MBNL1: variants seen among roughly 807,000 people sequenced by gnomAD.
MBNL1 encodes the protein muscleblind-like protein 1.
Under a neutral mutation model 42.2 loss-of-function variants are expected in MBNL1, and 8 were observed. That is an observed-to-expected ratio of 0.19 (90% CI 0.11 to 0.34). MBNL1 has a LOEUF of 0.34. Ranked by LOEUF, MBNL1 falls within the 10% of genes least tolerant of loss-of-function variation. The pLI is 1.00. For synonymous variants in MBNL1, 169 were observed against 173.9 expected, an observed-to-expected ratio of 0.97 and a Z score of 0.22; for missense variants, 309 against 495.3, an observed-to-expected ratio of 0.62 and a Z score of 3.57.
chr3:152,369,528 A>G (rs2096571021), intron 2 of MBNL1, among the ~76,000 whole-genome samples: 1 of 152,186 alleles, frequency 6.6e-6, no homozygotes, highest in Admixed American at 6.5e-5. Flanking sequence ...GCCTCATAAA[A>G]TGAGTGATGG....
intron 1 of MBNL1, among the ~76,000 whole-genome samples, chr3:152,284,723 G>A (rs2050525990): frequency 6.6e-6 from 1 of 152,056 alleles, no homozygotes; most frequent in Admixed American, 6.6e-5. Context: ...TGCATAGTCA[G>A]CATACATCAG....
intron 2 of MBNL1, among the ~76,000 whole-genome samples, chr3:152,349,371 G>A (rs578047774): frequency 4.1e-4 from 63 of 152,072 alleles, no homozygotes; most frequent in African/African-American, 1.5e-3. Context: ...CTAAACATCA[G>A]TGGTGTTATT....
chr3:152,391,738 T>C (rs960290940), intron 2 of MBNL1, among the ~76,000 whole-genome samples: 1 of 152,080 alleles, frequency 6.6e-6, no homozygotes, highest in African/African-American at 2.4e-5. Context: ...AGATGAAAAA[T>C]AGAATATACA....
At chr3:152,328,632 T>A (rs562597698) in intron 2 of MBNL1, among the ~76,000 whole-genome samples, 21 of 152,306 alleles carry the variant, frequency 1.4e-4, no homozygotes, top group African/African-American at 4.6e-4. Context: ...ACATGCTTTA[T>A]GACATTACGG....
intron 2 of MBNL1, among the ~76,000 whole-genome samples, chr3:152,355,907 G>C (rs2095481646): frequency 6.6e-6 from 1 of 152,178 alleles, no homozygotes. Flanking sequence ...AAGATATCAT[G>C]TGCAACATGT....
rs1580991298 is a variant in MBNL1, at chr3:152,464,187, AG to A, written c.*1822del. ...TCTATTAACAATTGAATACCATTTC[AG>A]TTTATAGACTTGTTTTATTAGATTT... On this transcript the variant is annotated 3_prime_UTR_variant, in exon 10 of 10. Transcript: ENST00000324210. 2.0e-5 allele frequency: 3 copies of A among 152,502 alleles called. No homozygotes were observed. In the East Asian group the frequency reaches 5.8e-4, roughly 29 times the overall value. The allele number at this position is 152,502 out of a possible 1,614,324, so 9.4% of individuals were successfully genotyped here. A position where few individuals can be genotyped will look rare whatever the true frequency, so the allele number is the denominator to read the frequency against.
chr3:152,260,076 A>G (rs2036007106), intron 2 of MBNL1, among the ~76,000 whole-genome samples: 1 of 152,200 alleles, frequency 6.6e-6, no homozygotes, highest in African/African-American at 2.4e-5. Context: ...TCTAGGAAAG[A>G]CTGGAATTAT....
chr3:152,294,600 C>A (rs1039218656), intron 1 of MBNL1, among the ~76,000 whole-genome samples: 6 of 152,002 alleles, frequency 3.9e-5, no homozygotes, highest in Admixed American at 3.9e-4. Flanking sequence ...TTGATTCTTA[C>A]AATATTTTTG....
chr3:152,338,745 T>C (rs974874771), intron 2 of MBNL1: 41 of 946,756 alleles, frequency 4.3e-5, no homozygotes, highest in Non-Finnish European at 5.0e-5. Context: ...GGATTTAATA[T>C]AAGTTAGTAG....
chr3:152,257,198 A>G (rs2035573002), intron 2 of MBNL1, among the ~76,000 whole-genome samples: 3 of 152,324 alleles, frequency 2.0e-5, no homozygotes, highest in East Asian at 3.9e-4. Flanking sequence ...AATAAGTATT[A>G]GAGAGCACTC....
chr3:152,425,609 G>GAA (rs377009317), intron 3 of MBNL1, among the ~76,000 whole-genome samples: 2 of 133,444 alleles, frequency 1.5e-5, no homozygotes, highest in African/African-American at 5.6e-5. Context: ...ATCTGTCTCA[G>GAA]AAAAAAAAAA....
intron 2 of MBNL1, among the ~76,000 whole-genome samples, chr3:152,400,842 T>C (rs2098184696): frequency 6.6e-6 from 1 of 152,208 alleles, no homozygotes; most frequent in South Asian, 2.1e-4. Flanking sequence ...TTAGCAGTTA[T>C]CTTGAAGTCA....
At chr3:152,251,163 C>A (rs1414900963) in intron 2 of MBNL1, among the ~76,000 whole-genome samples, 1 of 152,028 alleles carries the variant, frequency 6.6e-6, no homozygotes, top group African/African-American at 2.4e-5. Context: ...GTCCATGTTC[C>A]AATTTTGCTG....
intron 3 of MBNL1, among the ~76,000 whole-genome samples, chr3:152,431,750 ACT>A (rs2153748901): frequency 6.6e-6 from 1 of 152,272 alleles, no homozygotes; most frequent in South Asian, 2.1e-4. Flanking sequence ...TAGAATTGAG[ACT>A]CTATTAGGAA....
rs1737481272 is a variant in MBNL1, at chr3:152,458,151, A to G, written c.1093-1120A>G. 9 of 1,613,782 alleles carry G rather than the reference A, an allele frequency of 5.6e-6. No homozygotes were observed. The Admixed American group carries it at 1.3e-4, about 24-fold the overall frequency. ...ACAGCCCCATCCTTGATGCTTCTAC[A>G]CTGTTGGGTGCAACATCCTGTCCTG... is the stretch of plus-strand genomic sequence containing the variant. On this transcript the variant is annotated intron_variant, in intron 8 of 9. Transcript: ENST00000324210.
chr3:152,303,295 AAG>A (rs1439367741), intron 2 of MBNL1, among the ~76,000 whole-genome samples: 1 of 152,194 alleles, frequency 6.6e-6, no homozygotes, highest in Non-Finnish European at 1.5e-5. Flanking sequence ...AGAACAGTAA[AAG>A]AGCAAAAGCT....
intron 4 of MBNL1, among the ~76,000 whole-genome samples, chr3:152,438,175 A>G (rs2099103783): frequency 1.3e-5 from 2 of 152,214 alleles, no homozygotes; most frequent in South Asian, 4.1e-4. Flanking sequence ...TCATGAATGC[A>G]TTCATTCTCT....
intron 3 of MBNL1, among the ~76,000 whole-genome samples, chr3:152,415,746 G>A (rs748849008): frequency 1.5e-4 from 23 of 152,178 alleles, no homozygotes; most frequent in Non-Finnish European, 2.4e-4. Context: ...GGTGGTCATA[G>A]ATATTTAGTA....
At chr3:152,326,043 A>G (rs951237157) in intron 2 of MBNL1, among the ~76,000 whole-genome samples, 1 of 152,136 alleles carries the variant, frequency 6.6e-6, no homozygotes, top group East Asian at 1.9e-4. Flanking sequence ...CATGTCACTT[A>G]TACTTCTTCA....
Sources: allele counts gnomAD v4.1 joint callset (sites outside exome capture counted in the v4.1 genomes callset), GRCh38; gene constraint gnomAD v4.1.1; transcripts MANE v1.5; gene names NCBI Gene and HGNC (gene_info 2026-07-23, HGNC 2026-07-21).